Variants in STAG2 observed in about 807,000 individuals in gnomAD.
STAG2 encodes cohesin subunit SA-2.
STAG2 carries 14 observed loss-of-function variants against 108.1 expected under a neutral mutation model. The ratio of observed to expected loss-of-function variants is 0.13; its 90% CI spans 0.09 to 0.20. The LOEUF is 0.20. Ranked by LOEUF, STAG2 falls within the 10% of genes least tolerant of loss-of-function variation. STAG2 has a pLI of 1.00. For missense variants in STAG2, 440 were observed against 940.9 expected (o/e 0.47, Z 6.96); for synonymous variants, 307 against 302.7 (o/e 1.01, Z -0.15).
At chrX:124,080,367 G>T (rs2058924466) in intron 27 of STAG2, among the ~76,000 whole-genome samples, 2 of 111,222 alleles carry the variant, frequency 1.8e-5, no homozygotes, top group Admixed American at 1.9e-4. Flanking sequence ...TTCTCTGGGT[G>T]TATACCCAGA....
chrX:123,972,371 C>T, intron 1 of STAG2, among the ~76,000 whole-genome samples: 1 of 107,962 alleles, frequency 9.3e-6, no homozygotes, highest in Non-Finnish European at 1.9e-5. Context: ...CCGGGGTTCA[C>T]GCCATTCTCC....
At chrX:124,014,759 C>T (rs772552102) in intron 1 of STAG2, among the ~76,000 whole-genome samples, 1 of 110,725 alleles carries the variant, frequency 9.0e-6, no homozygotes, top group East Asian at 2.8e-4. Context: ...ATGCAGATTT[C>T]TTCCAGGCAT....
intron 15 of STAG2, among the ~76,000 whole-genome samples, chrX:124,060,106 C>T (rs1230898584): frequency 1.8e-5 from 2 of 111,495 alleles, no homozygotes; most frequent in Non-Finnish European, 3.8e-5. Context: ...CCAAAGGAGT[C>T]GGGAAACAGT....
At chrX:124,061,909 T>C (rs1201028689) in intron 17 of STAG2, 35 bp downstream of exon 17, 2 of 988,540 alleles carry the variant, frequency 2.0e-6, no homozygotes, top group Admixed American at 3.0e-5. Context: ...TATTCTAAAC[T>C]CCATTTCTCC....
At chrX:124,068,682 C>A in intron 24 of STAG2, 26 bp downstream of exon 24, 1 of 1,022,042 alleles carries the variant, frequency 9.8e-7, no homozygotes. Context: ...AGATGGTAAT[C>A]TTTTTGTAAG....
chrX:124,022,015 T>G (rs1464811067), intron 2 of STAG2, among the ~76,000 whole-genome samples: 1 of 111,052 alleles, frequency 9.0e-6, no homozygotes, highest in Non-Finnish European at 1.9e-5. Flanking sequence ...TTTATAAGCT[T>G]CTTTTTCCCC....
chrX:124,095,174 G>C (rs768331172), intron 33 of STAG2, among the ~76,000 whole-genome samples, 198 bp from the exon 34 acceptor site: 1 of 111,875 alleles, frequency 8.9e-6, no homozygotes, highest in African/African-American at 3.3e-5. Context: ...TGATCCACCC[G>C]CCTCGGCCTC....
At chrX:124,056,288 AT>A (rs1458202052) in intron 14 of STAG2, 53 bp downstream of exon 14, 1 of 848,657 alleles carries the variant, frequency 1.2e-6, no homozygotes. Context: ...CATAACAGTA[AT>A]TTGTTATGTT....
intron 28 of STAG2, 45 bp downstream of exon 28, chrX:124,081,573 G>A: frequency 1.9e-6 from 2 of 1,030,215 alleles, no homozygotes; most frequent in Non-Finnish European, 2.6e-6. Flanking sequence ...TTTTAGTCAT[G>A]AAACTTTATT....
intron 1 of STAG2, among the ~76,000 whole-genome samples, chrX:124,013,437 T>C (rs2056595964): frequency 9.0e-6 from 1 of 111,367 alleles, no homozygotes; most frequent in African/African-American, 3.3e-5. Flanking sequence ...AAAACAATTA[T>C]TAGCTATTGA....
intron 24 of STAG2, among the ~76,000 whole-genome samples, chrX:124,070,226 G>C (rs1367519218): frequency 9.0e-6 from 1 of 111,610 alleles, no homozygotes; most frequent in Admixed American, 9.5e-5. Flanking sequence ...GCAAGTTTTT[G>C]TAGACTGAAA....
At chrX:123,983,605 C>T (rs1454251050) in intron 1 of STAG2, among the ~76,000 whole-genome samples, 2 of 110,850 alleles carry the variant, frequency 1.8e-5, no homozygotes, top group Non-Finnish European at 1.9e-5. Context: ...ATGAGCCGGA[C>T]GGATAAAGTA....
At chrX:124,074,370 C>A (rs2058748681) in intron 25 of STAG2, among the ~76,000 whole-genome samples, 1 of 112,684 alleles carries the variant, frequency 8.9e-6, no homozygotes. Context: ...TCTACTTTTT[C>A]CTCAATTAAA....
At chrX:124,077,909 A>C in intron 26 of STAG2, 48 bp from the exon 27 acceptor site, 1 of 875,110 alleles carries the variant, frequency 1.1e-6, no homozygotes, top group Non-Finnish European at 1.6e-6. Context: ...TCTTATTGTC[A>C]AGTAGTTTTA....
At chrX:124,012,790 A>G (rs1385747278) in intron 1 of STAG2, among the ~76,000 whole-genome samples, 1 of 111,874 alleles carries the variant, frequency 8.9e-6, no homozygotes, top group Admixed American at 9.5e-5. Context: ...CATTGGTTTT[A>G]TTGTTTTTAA....
intron 1 of STAG2, among the ~76,000 whole-genome samples, chrX:123,970,443 G>A (rs928266720): frequency 9.0e-6 from 1 of 111,573 alleles, no homozygotes; most frequent in Admixed American, 9.6e-5. Context: ...TTAACATGAG[G>A]AACACTGGTT....
intron 14 of STAG2, among the ~76,000 whole-genome samples, chrX:124,057,489 A>G (rs1340160652): frequency 8.9e-6 from 1 of 112,427 alleles, no homozygotes; most frequent in Non-Finnish European, 1.9e-5. Context: ...GAAGGAAAGT[A>G]TATGTTTAGT....
intron 3 of STAG2, among the ~76,000 whole-genome samples, chrX:124,025,393 T>C (rs979899457): frequency 9.0e-6 from 1 of 111,461 alleles, no homozygotes; most frequent in Admixed American, 9.7e-5. Context: ...TAAATACTTT[T>C]CGAGTGAGGT....
In STAG2 at chrX:124,041,009, C is replaced by T. The variant is rs1030491152; in HGVS notation, c.386-1560C>T. 4.7e-5 allele frequency among the ~76,000 whole-genome samples: 5 copies of T among 106,880 alleles called. No individual in the cohort carries two copies. The East Asian group carries it at 1.5e-3, about 31-fold the overall frequency. 92.8% of individuals were successfully genotyped at this position (106,880 alleles called of 115,157 possible). On this transcript the variant is annotated intron_variant, in intron 6 of 34. Transcript: ENST00000371145. ...CCAAGTAGCTGCGATTACAGGCATG[C>T]CCAGCTAATTTTTGTATTTTTAGTA...
Sources: allele counts gnomAD v4.1 joint callset (sites outside exome capture counted in the v4.1 genomes callset), GRCh38; gene constraint gnomAD v4.1.1; transcripts MANE v1.5; gene names NCBI Gene and HGNC (gene_info 2026-07-23, HGNC 2026-07-21).